LRRC8C: variants seen among roughly 807,000 people sequenced by gnomAD.
The protein encoded by LRRC8C is volume-regulated anion channel subunit LRRC8C.
Under a neutral mutation model 55.3 loss-of-function variants are expected in LRRC8C, and 20 were observed. The ratio of observed to expected loss-of-function variants is 0.36; its 90% confidence interval spans 0.25 to 0.53. LRRC8C has a LOEUF of 0.53. Among genes scored for constraint, LRRC8C ranks in the 20% least tolerant of loss-of-function variants. The pLI is 0.92. For synonymous variants in LRRC8C, 376 were observed against 360.7 expected (o/e 1.04, Z -0.48); for missense variants, 659 against 951.4 (o/e 0.69, Z 4.04).
At chr1:89,622,271 T>C in the LRRC8C span, among the ~76,000 whole-genome samples, 1 of 151,836 alleles carries the variant, frequency 6.6e-6, no homozygotes, top group Non-Finnish European at 1.5e-5. Flanking sequence ...ATCTGTGAAA[T>C]GGGAATAGTA....
intron 1 of LRRC8C, among the ~76,000 whole-genome samples, chr1:89,660,302 A>C (rs1302342794): frequency 6.6e-6 from 1 of 152,168 alleles, no homozygotes; most frequent in East Asian, 1.9e-4. Flanking sequence ...TTTTTATCAC[A>C]AACAGAAGAA....
chr1:89,635,723 A>G (rs1264264037), intron 1 of LRRC8C, among the ~76,000 whole-genome samples: 1 of 152,232 alleles, frequency 6.6e-6, no homozygotes, highest in Non-Finnish European at 1.5e-5. Flanking sequence ...AATCAAGGCC[A>G]TCTGTTTCTA....
chr1:89,690,252 T>C (rs1299605257), intron 2 of LRRC8C, among the ~76,000 whole-genome samples: 1 of 152,198 alleles, frequency 6.6e-6, no homozygotes, highest in Admixed American at 6.5e-5. Flanking sequence ...GACAGGCGTC[T>C]GTGCCTTATG....
intron 1 of LRRC8C, among the ~76,000 whole-genome samples, chr1:89,648,796 G>C (rs1420898260): frequency 6.6e-6 from 1 of 152,128 alleles, no homozygotes; most frequent in African/African-American, 2.4e-5. Flanking sequence ...TGTCACAATA[G>C]ATTTGCCTAT....
chr1:89,659,057 TTTTTTGTGTG>T lies in LRRC8C; in HGVS notation c.-5+25737_-5+25746del, dbSNP rs1210785823. 2.7e-3 allele frequency among the ~76,000 whole-genome samples: 218 copies of T among 81,652 alleles called. 10 individuals are homozygous for T. The highest frequency in any genetic ancestry group is 3.4e-3 in the African/African-American group (71 of 20,852). 53.6% of individuals were successfully genotyped at this position (81,652 alleles called of 152,430 possible). A position where few individuals can be genotyped will look rare whatever the true frequency, so the allele number is the denominator to read the frequency against. On this transcript the variant is annotated intron_variant, in intron 1 of 2. Transcript: ENST00000370454. ...GTTGTGTCTTCTCCAGGTTTTTTTT[TTTTTTGTGTG>T]TGTGTGTGTGTGTGTGTGTGTGTGT...
At chr1:89,671,372 C>T (rs1486670380) in intron 1 of LRRC8C, among the ~76,000 whole-genome samples, 1 of 149,896 alleles carries the variant, frequency 6.7e-6, no homozygotes, top group Non-Finnish European at 1.5e-5. Flanking sequence ...AAGTGAAAAA[C>T]AGATCAAAGG....
rs542149698 is a variant in LRRC8C at position 89,666,414 on chromosome 1, T to A, written c.-4-20056T>A. Reference sequence around the variant, plus strand: ...ATGTACACTAGAACTTTAACAAAAATATATATATATAAAGAAGCCCATGAT... The same window carrying A: ...ATGTACACTAGAACTTTAACAAAAAAATATATATATAAAGAAGCCCATGAT... On this transcript the variant is annotated intron_variant, in intron 1 of 2. Coordinates refer to ENST00000370454, the MANE Select transcript of LRRC8C (RefSeq NM_032270.5). Among the ~76,000 whole-genome samples the A allele has an allele frequency of 4.0e-4, 56 of 140,118 alleles. 1 individual carries two copies. In the South Asian group the frequency reaches 4.4e-3, roughly 11 times the overall value. The allele number at this position is 140,118 out of a possible 152,430, so 91.9% of individuals were successfully genotyped here. A position where few individuals can be genotyped will look rare whatever the true frequency, so the allele number is the denominator to read the frequency against.
chr1:89,656,358 G>GA (rs1403988973), intron 1 of LRRC8C, among the ~76,000 whole-genome samples: 2 of 152,202 alleles, frequency 1.3e-5, no homozygotes, highest in Non-Finnish European at 2.9e-5. Flanking sequence ...GTGGGGTGGG[G>GA]ATGGGCCCTT....
chr1:89,688,388 A>G (rs1402526223), intron 2 of LRRC8C, among the ~76,000 whole-genome samples: 1 of 152,220 alleles, frequency 6.6e-6, no homozygotes, highest in East Asian at 1.9e-4. Flanking sequence ...AAATAAGCAA[A>G]ATAAGCAAAA....
upstream of LRRC8C, among the ~76,000 whole-genome samples, chr1:89,630,784 G>T (rs963416253): frequency 7.2e-5 from 11 of 152,184 alleles, no homozygotes; most frequent in African/African-American, 2.7e-4. Context: ...CCTTTACAGA[G>T]AGCTTGCTAA....
In LRRC8C at chr1:89,714,813, T is replaced by C; in HGVS notation, c.2243T>C (p.Ile748Thr). 16 of 1,614,062 alleles carry C rather than the reference T, an allele frequency of 9.9e-6. No individual in the cohort carries two copies. Among genetic ancestry groups the C allele is most frequent in the Non-Finnish European group, 1.3e-5 (15 of 1,180,004 alleles). Residue 748 changes from isoleucine to threonine, a missense_variant, in exon 3 of 3, where the codon ATT becomes ACT. By Grantham distance (89) the Ile-to-Thr change is moderately conservative (BLOSUM62 -1). Around this residue, in one of 5 missense-constraint regions of LRRC8C, gnomAD observed 344 missense variants for 464.6 expected, o/e 0.74. Coordinates refer to ENST00000370454, the MANE Select transcript of LRRC8C (RefSeq NM_032270.5). This position sits in a 1 kb window ranked among gnomAD's most constrained non-coding sequence, Gnocchi z 4.6. ...KNSLSVLSPK[I>T]GNLLFLSYLD... is the part of the protein sequence containing the mutation. ...AGCCTATCTGTACTTTCACCGAAAA[T>C]TGGAAATTTGCTATTTCTTTCCTAC... is the stretch of plus-strand genomic sequence containing the variant.
chr1:89,673,779 A>T (rs1372295400), intron 1 of LRRC8C, among the ~76,000 whole-genome samples: 1 of 152,248 alleles, frequency 6.6e-6, no homozygotes, highest in African/African-American at 2.4e-5. Flanking sequence ...CCTAGGGAAG[A>T]CCAATGTAAA....
intron 1 of LRRC8C, among the ~76,000 whole-genome samples, chr1:89,651,768 G>C (rs1257572432): frequency 2.0e-5 from 3 of 152,028 alleles, no homozygotes; most frequent in African/African-American, 7.2e-5. Context: ...CTAATTCAGA[G>C]ATTTGCTCTT....
Position 89,714,850 on chromosome 1 carries a change from A to G in LRRC8C, c.2280A>G (p.Lys760=). ...NLLFLSYLDV[K]GNHFEILPPE... The stretch of plus-strand genomic sequence containing the variant: ...TATTTCTTTCCTACTTAGATGTAAA[A>G]GGTAATCACTTTGAAATCCTCCCTC... Residue 760 remains lysine (K), a synonymous_variant, in exon 3 of 3, where the codon AAA becomes AAG. Coordinates refer to ENST00000370454, the MANE Select transcript of LRRC8C (RefSeq NM_032270.5). The surrounding 1 kb of genome is among the most constrained non-coding windows in gnomAD (Gnocchi z 4.6). 6.2e-7 allele frequency: 1 copy of G among 1,614,170 alleles called. No individual in the cohort carries two copies.
At chr1:89,661,456 A>G (rs774246800) in intron 1 of LRRC8C, 41 of 212,564 alleles carry the variant, frequency 1.9e-4, no homozygotes, top group Non-Finnish European at 2.2e-4. Context: ...GTGGTGGAGC[A>G]TGTTTGCTGA....
chr1:89,706,402 T>C (rs1359218419), intron 2 of LRRC8C: 2 of 452,580 alleles, frequency 4.4e-6, no homozygotes, highest in Non-Finnish European at 8.9e-6. Flanking sequence ...TTATCACAGG[T>C]GGGTTCTGCT....
At chr1:89,709,257 A>G (rs1658577161) in intron 2 of LRRC8C, among the ~76,000 whole-genome samples, 1 of 152,224 alleles carries the variant, frequency 6.6e-6, no homozygotes, top group East Asian at 1.9e-4. Flanking sequence ...CTGTTCTGCC[A>G]TTTCCTAGCT....
the LRRC8C span, among the ~76,000 whole-genome samples, chr1:89,623,769 G>A: frequency 6.6e-6 from 1 of 152,096 alleles, no homozygotes; most frequent in African/African-American, 2.4e-5. Context: ...GCATTCATAG[G>A]AGAGAATATT....
intron 1 of LRRC8C, among the ~76,000 whole-genome samples, chr1:89,652,952 C>T (rs957020617): frequency 6.6e-6 from 1 of 151,936 alleles, no homozygotes; most frequent in African/African-American, 2.4e-5. Flanking sequence ...AATATGTTCC[C>T]CTGGCATTAT....
Sources: allele counts gnomAD v4.1 joint callset (sites outside exome capture counted in the v4.1 genomes callset), GRCh38; gene constraint gnomAD v4.1.1; regional missense constraint gnomAD v4.1.1; non-coding constraint Gnocchi (gnomAD v3.1); transcripts MANE v1.5; gene names NCBI Gene and HGNC (gene_info 2026-07-23, HGNC 2026-07-21).